Variants in AHI1 observed in about 807,000 individuals in gnomAD.
AHI1 encodes the protein Abelson helper integration site 1, also known as jouberin.
In AHI1, 123 loss-of-function variants were observed where a neutral mutation model predicts 149.3. The observed-to-expected ratio is 0.82, with a 90% CI of 0.71 to 0.96. AHI1 has a LOEUF of 0.96. AHI1 is among the 40% of genes least tolerant of loss of function. The pLI, the probability that AHI1 is intolerant of heterozygous loss-of-function variation, is 0.00. For missense variants in AHI1, 1,439 were observed against 1,422.7 expected (o/e 1.01, Z -0.18); for synonymous variants, 475 against 459.8 (o/e 1.03, Z -0.42).
At chr6:135,434,986 A>C (rs187544683) in intron 15 of AHI1, among the ~76,000 whole-genome samples, 1 of 152,302 alleles carries the variant, frequency 6.6e-6, no homozygotes, top group Admixed American at 6.5e-5. Flanking sequence ...GCAGAAAGCT[A>C]ATCAAGTGGG....
intron 20 of AHI1, among the ~76,000 whole-genome samples, chr6:135,414,211 T>A (rs1782016105): frequency 6.6e-6 from 1 of 152,150 alleles, no homozygotes. Context: ...GACAGTTTTT[T>A]CCAACAAATG....
At chr6:135,310,621 C>T (rs967138522) in intron 26 of AHI1, among the ~76,000 whole-genome samples, 3 of 152,198 alleles carry the variant, frequency 2.0e-5, no homozygotes, top group African/African-American at 4.8e-5. Flanking sequence ...CATTCCTCTG[C>T]TCATGTGAAG....
At chr6:135,488,548 TTGTC>T (rs1312085757) in intron 5 of AHI1, among the ~76,000 whole-genome samples, 1 of 152,172 alleles carries the variant, frequency 6.6e-6, no homozygotes, top group Non-Finnish European at 1.5e-5. Context: ...ACATGTCTGT[TTGTC>T]TGTTTATAAA....
chr6:135,449,249 C>T (rs1325658151), intron 11 of AHI1, among the ~76,000 whole-genome samples: 1 of 152,090 alleles, frequency 6.6e-6, no homozygotes, highest in Admixed American at 6.6e-5. Context: ...GAGGTTTTGC[C>T]ATGTTGGTCA....
Position 135,323,630 on chromosome 6 carries a change from C to G in AHI1, c.3166-306G>C, listed in dbSNP as rs1235487204. The stretch of plus-strand genomic sequence containing the variant: ...AGCAAATAAAAAAAAGCTCACACAC[C>G]ATTTACTTTTTTAGAATTGTTTTAT... On this transcript the variant is annotated intron_variant, in intron 24 of 28. Transcript: ENST00000265602. Among the ~76,000 whole-genome samples the G allele has an allele frequency of 3.3e-5, 5 of 152,168 alleles. No homozygotes were observed. The East Asian group carries it at 9.6e-4, about 29-fold the overall frequency.
chr6:135,420,493 C>A (rs1334953559), intron 20 of AHI1, among the ~76,000 whole-genome samples: 1 of 152,178 alleles, frequency 6.6e-6, no homozygotes, highest in Non-Finnish European at 1.5e-5. Context: ...CATCAATGAT[C>A]TCAGCTAGAT....
At chr6:135,338,932 T>C (rs78288155) in intron 24 of AHI1, among the ~76,000 whole-genome samples, 6,995 of 151,558 alleles carry the variant, frequency 0.046, 216 homozygotes, top group Non-Finnish European at 0.068. Context: ...CTTTCCTTTT[T>C]TTTTTTTTTT....
chr6:135,300,362 CT>C, intron 27 of AHI1, 137 bp downstream of exon 27: 1 of 967,354 alleles, frequency 1.0e-6, no homozygotes, highest in Non-Finnish European at 1.4e-6. Context: ...CGTAAACAAG[CT>C]AAACTCCTTT....
chr6:135,300,271 G>A (rs962208629), intron 27 of AHI1, among the ~76,000 whole-genome samples: 6 of 149,476 alleles, frequency 4.0e-5, no homozygotes, highest in African/African-American at 7.6e-5. Flanking sequence ...GTTGCAGTGA[G>A]CTGAGATTGT....
intron 5 of AHI1, among the ~76,000 whole-genome samples, chr6:135,470,200 A>T (rs1349847886): frequency 1.3e-5 from 2 of 152,254 alleles, no homozygotes; most frequent in Non-Finnish European, 2.9e-5. Context: ...TTATGGGGCC[A>T]ACAAACATGA....
intron 13 of AHI1, among the ~76,000 whole-genome samples, chr6:135,445,603 C>T (rs1399386765): frequency 6.6e-6 from 1 of 152,084 alleles, no homozygotes; most frequent in Admixed American, 6.6e-5. Flanking sequence ...GATGGGATCT[C>T]ATTCTGTCAT....
intron 23 of AHI1, among the ~76,000 whole-genome samples, chr6:135,390,868 GTTA>G (rs1478636165): frequency 6.6e-6 from 1 of 152,118 alleles, no homozygotes; most frequent in East Asian, 1.9e-4. Flanking sequence ...GCAAGTTGCT[GTTA>G]TTGTTTCATA....
intron 24 of AHI1, 101 bp from the exon 25 acceptor site, chr6:135,323,425 C>T: frequency 7.7e-7 from 1 of 1,293,218 alleles, no homozygotes; most frequent in Non-Finnish European, 1.1e-6. Flanking sequence ...GAAACCAAAG[C>T]AGTACTTTGG....
At chr6:135,394,017 T>C (rs909419168) in intron 23 of AHI1, among the ~76,000 whole-genome samples, 2 of 152,044 alleles carry the variant, frequency 1.3e-5, no homozygotes, top group South Asian at 4.1e-4. Flanking sequence ...GTGGTATATA[T>C]TGTCCTCAAA....
Position 135,285,566 on chromosome 6 carries a change from A to G in AHI1, c.*79T>C. ...TCCTCCTTAGTATCTGAAAATTCTG[A>G]ACTCTGAAGAGAAATTCCATTTGGT... is the stretch of plus-strand genomic sequence containing the variant. On this transcript the variant is annotated 3_prime_UTR_variant, in exon 29 of 29. Coordinates refer to ENST00000265602, the MANE Select transcript of AHI1 (RefSeq NM_001134831.2). The G allele has an allele frequency of 6.9e-7, 1 of 1,459,210 alleles. No homozygotes were observed. The highest frequency in any genetic ancestry group is 9.5e-7 in the Non-Finnish European group (1 of 1,050,290). 90.4% of individuals were successfully genotyped at this position (1,459,210 alleles called of 1,614,324 possible).
chr6:135,490,692 G>T lies in AHI1; in HGVS notation c.66C>A (p.Thr22=). The change falls in exon 5 of 29, where the codon ACC becomes ACA. Residue 22 remains threonine (T), a synonymous_variant. Transcript: ENST00000265602. ...TKVRFEELLK[T]HSDLMREKKK... is the part of the protein sequence containing the mutation. ...TCTTTTCACGCATTAGATCACTGTG[G>T]GTCTTAAGCAATTCTTCAAAGCGAA... is the stretch of plus-strand genomic sequence containing the variant. 6.2e-7 allele frequency: 1 copy of T among 1,613,304 alleles called. No individual in the cohort carries two copies. Among genetic ancestry groups the T allele is most frequent in the African/African-American group, 1.3e-5 (1 of 74,942 alleles).
At chr6:135,407,096 T>C (rs1044309591) in intron 21 of AHI1, among the ~76,000 whole-genome samples, 12 of 152,320 alleles carry the variant, frequency 7.9e-5, no homozygotes, top group Middle Eastern at 3.4e-3. Context: ...TAAATGGTAA[T>C]GCTCCCAATA....
intron 7 of AHI1, among the ~76,000 whole-genome samples, chr6:135,464,681 C>T (rs1790465746): frequency 6.6e-6 from 1 of 152,142 alleles, no homozygotes; most frequent in Non-Finnish European, 1.5e-5. Flanking sequence ...GGAGACAGTC[C>T]ATGTGGCAAG....
At chr6:135,431,903 C>G (rs1784715572) in intron 16 of AHI1, among the ~76,000 whole-genome samples, 1 of 151,800 alleles carries the variant, frequency 6.6e-6, no homozygotes, top group Admixed American at 6.6e-5. Flanking sequence ...GAACTGCTTC[C>G]TGTATTAAAA....
Sources: allele counts gnomAD v4.1 joint callset (sites outside exome capture counted in the v4.1 genomes callset), GRCh38; gene constraint gnomAD v4.1.1; transcripts MANE v1.5; gene names NCBI Gene and HGNC (gene_info 2026-07-23, HGNC 2026-07-21).